TMEM255B: variants seen among roughly 807,000 people sequenced by gnomAD.
TMEM255B encodes the protein transmembrane protein 255B.
A neutral mutation model predicts 34.5 loss-of-function variants in TMEM255B; 35 were observed. The observed-to-expected ratio is 1.01, with a 90% CI of 0.77 to 1.34. The LOEUF (loss-of-function observed/expected upper bound fraction) is 1.34. TMEM255B is among the 40% of genes most tolerant of loss of function. The pLI is 0.00. For synonymous variants in TMEM255B, 206 were observed against 201.2 expected (o/e 1.02, Z -0.20); for missense variants, 432 against 433.2 (o/e 1.00, Z 0.02).
intron 3 of TMEM255B, among the ~76,000 whole-genome samples, chr13:113,774,645 CACTA>C (rs2050534248): frequency 6.7e-6 from 1 of 150,352 alleles, no homozygotes; most frequent in African/African-American, 2.5e-5. Flanking sequence ...ACACCACACA[CACTA>C]TACACAACAC....
intron 3 of TMEM255B, among the ~76,000 whole-genome samples, chr13:113,794,208 G>A (rs752314805): frequency 6.6e-6 from 1 of 152,122 alleles, no homozygotes; most frequent in African/African-American, 2.4e-5. Flanking sequence ...TGCCTCTGCC[G>A]GGCGTCTTTG....
At chr13:113,766,503 C>T (rs1397473838) in intron 2 of TMEM255B, 6 of 610,016 alleles carry the variant, frequency 9.8e-6, no homozygotes, top group Non-Finnish European at 1.5e-5. Context: ...AAAATAGGGC[C>T]AGGTGCCCTC....
At chr13:113,782,252 T>C (rs184766398) in intron 3 of TMEM255B, among the ~76,000 whole-genome samples, 1 of 152,226 alleles carries the variant, frequency 6.6e-6, no homozygotes, top group Non-Finnish European at 1.5e-5. Flanking sequence ...ACACAAATTA[T>C]TTAACCTTTA....
chr13:113,784,558 A>G (rs1365708435), intron 3 of TMEM255B, among the ~76,000 whole-genome samples: 1 of 151,986 alleles, frequency 6.6e-6, no homozygotes, highest in African/African-American at 2.4e-5. Flanking sequence ...AAGAAGAAGG[A>G]GGAGAAGGGA....
chr13:113,796,734 C>A (rs2050948464), intron 4 of TMEM255B, among the ~76,000 whole-genome samples: 1 of 152,226 alleles, frequency 6.6e-6, no homozygotes, highest in Non-Finnish European at 1.5e-5. Flanking sequence ...TCAGCTGGTC[C>A]CCGGGAGCAG....
chr13:113,769,310 C>A lies in TMEM255B; in HGVS notation c.252+150C>A. The A allele has an allele frequency of 1.2e-6, 1 of 811,586 alleles. No homozygotes were observed. Among genetic ancestry groups the A allele is most frequent in the Non-Finnish European group, 2.1e-6 (1 of 487,442 alleles). The allele number at this position is 811,586 out of a possible 1,614,324, so 50.3% of individuals were successfully genotyped here. Reference sequence around the variant, plus strand: ...TGAGGTTCCCGGGCTGTGGCCTGCACAGTCCTGGATACAGGGTTCAGCGAG... The same window carrying A: ...TGAGGTTCCCGGGCTGTGGCCTGCAAAGTCCTGGATACAGGGTTCAGCGAG... On this transcript the variant is annotated intron_variant, in intron 3 of 8. Coordinates refer to ENST00000375353, the MANE Select transcript of TMEM255B (RefSeq NM_182614.4). The surrounding 1 kb of genome is among the most constrained non-coding windows in gnomAD (Gnocchi z 4.2).
chr13:113,801,676 A>C lies in TMEM255B; in HGVS notation c.533A>C (p.Tyr178Ser), dbSNP rs1370087900. 1.2e-6 allele frequency: 2 copies of C among 1,611,884 alleles called. No individual in the cohort carries two copies. Among genetic ancestry groups the C allele is most frequent in the Non-Finnish European group, 1.7e-6 (2 of 1,178,982 alleles). ...AGCGCAGAGCCCTCGCCCGCCTACT[A>C]TGAGTTCATCGGCGTCAGCGGCTGC... ...CGSAEPSPAY[Y>S]EFIGVSGCQD... The change falls in exon 7 of 9, where the codon TAT becomes TCT. Residue 178 changes from tyrosine to serine, a missense_variant. Tyr to Ser is a moderately radical substitution (Grantham distance 144). Coordinates refer to ENST00000375353, the MANE Select transcript of TMEM255B (RefSeq NM_182614.4).
chr13:113,804,798 G>A (rs1012665161), intron 7 of TMEM255B, 87 bp from the exon 8 acceptor site: 23 of 1,262,298 alleles, frequency 1.8e-5, no homozygotes, highest in Admixed American at 2.5e-5. Flanking sequence ...GTCGGGGGTC[G>A]AGGGTGCTGG....
intron 3 of TMEM255B, among the ~76,000 whole-genome samples, chr13:113,783,832 C>T (rs2050700571): frequency 6.6e-6 from 1 of 151,910 alleles, no homozygotes; most frequent in Admixed American, 6.6e-5. Context: ...GGTTCATCTG[C>T]AGGGTCAGAA....
At chr13:113,808,716 G>A (rs562801559) in intron 8 of TMEM255B, among the ~76,000 whole-genome samples, 1 of 141,748 alleles carries the variant, frequency 7.1e-6, no homozygotes, top group Non-Finnish European at 1.5e-5. Context: ...GGTTTGTTCT[G>A]TGGTTCCTGG....
rs1436017087 is a variant in TMEM255B at position 113,769,041 on chromosome 13, G to T, written c.190-57G>T. On this transcript the variant is annotated intron_variant, in intron 2 of 8. Transcript: ENST00000375353. This position sits in a 1 kb window ranked among gnomAD's most constrained non-coding sequence, Gnocchi z 4.2. Reference sequence around the variant, plus strand: ...GGGATTATTTGCTTTAAATGTCAGTGTTAAGCTTCTAGGCACGTTAATGAG... The same window carrying T: ...GGGATTATTTGCTTTAAATGTCAGTTTTAAGCTTCTAGGCACGTTAATGAG... The T allele has an allele frequency of 5.0e-6, 8 of 1,593,568 alleles. No individual in the cohort carries two copies. The East Asian group carries it at 1.8e-4, about 36-fold the overall frequency.
In TMEM255B at chr13:113,776,636, T is replaced by G. The variant is rs181707172; in HGVS notation, c.252+7476T>G. Among the ~76,000 whole-genome samples the G allele has an allele frequency of 3.9e-5, 6 of 152,266 alleles. No individual in the cohort carries two copies. In the East Asian group the frequency reaches 9.7e-4, roughly 25 times the overall value. On this transcript the variant is annotated intron_variant, in intron 3 of 8. Transcript: ENST00000375353. ...TTTCTGCTGTCTGAGCAGCCTTGCC[T>G]CCCTGGGCACGCCTGGTTAGCAGGG...
chr13:113,810,884 C>G (rs142308329), intron 8 of TMEM255B, among the ~76,000 whole-genome samples: 1 of 152,186 alleles, frequency 6.6e-6, no homozygotes, highest in Non-Finnish European at 1.5e-5. Context: ...GGGGTTCATA[C>G]GTGGGGCCTT....
chr13:113,796,535 G>A lies in TMEM255B; in HGVS notation c.342+1298G>A, dbSNP rs554445819. Among the ~76,000 whole-genome samples, 5 of 150,994 alleles carry A rather than the reference G, an allele frequency of 3.3e-5. No homozygotes were observed. In the South Asian group the frequency reaches 1.0e-3, roughly 32 times the overall value. ...GCACACAGCACACACACCACACAGAGCACACACCACACACACATACACACC... is the reference window on the plus strand; with the variant it reads ...GCACACAGCACACACACCACACAGAACACACACCACACACACATACACACC... On this transcript the variant is annotated intron_variant, in intron 4 of 8. Transcript: ENST00000375353.
At chr13:113,795,685 G>T (rs910112344) in intron 4 of TMEM255B, among the ~76,000 whole-genome samples, 1 of 121,124 alleles carries the variant, frequency 8.3e-6, no homozygotes, top group Non-Finnish European at 1.6e-5. Context: ...AACACACAGA[G>T]CACACAGCAC....
intron 8 of TMEM255B, among the ~76,000 whole-genome samples, 183 bp from the exon 9 acceptor site, chr13:113,811,553 G>T (rs1253022676): frequency 5.2e-5 from 7 of 133,734 alleles, no homozygotes; most frequent in African/African-American, 1.8e-4. Context: ...GTCTGAGGGG[G>T]CCTGTGTGAA....
At chr13:113,784,450 G>A (rs549330563) in intron 3 of TMEM255B, among the ~76,000 whole-genome samples, 13 of 152,218 alleles carry the variant, frequency 8.5e-5, no homozygotes, top group African/African-American at 3.1e-4. Context: ...GTCTGGTGTT[G>A]GATGTTCCAG....
At chr13:113,773,690 T>G (rs1314328821) in intron 3 of TMEM255B, among the ~76,000 whole-genome samples, 1 of 152,236 alleles carries the variant, frequency 6.6e-6, no homozygotes, top group Non-Finnish European at 1.5e-5. Flanking sequence ...TCACATTAAT[T>G]TAATACTTGT....
chr13:113,765,342 G>A (rs2050371551), intron 1 of TMEM255B, among the ~76,000 whole-genome samples: 1 of 152,230 alleles, frequency 6.6e-6, no homozygotes. Context: ...ACCTTGCCTT[G>A]CCATTGAGCT....
Sources: gnomAD v4.1 joint callset for allele counts (sites outside exome capture counted in the v4.1 genomes callset) on GRCh38, gnomAD v4.1.1 for gene constraint, Gnocchi (gnomAD v3.1) non-coding constraint, MANE v1.5 for transcripts, NCBI Gene and HGNC (gene_info 2026-07-23, HGNC 2026-07-21) for gene names.